Variants in KIF16B observed in about 807,000 individuals in gnomAD.
The protein encoded by KIF16B is kinesin family member 16B.
In KIF16B, 98 loss-of-function variants were observed where a neutral mutation model predicts 156.3. That is an observed-to-expected ratio of 0.63 (90% CI 0.53 to 0.74). The LOEUF (loss-of-function observed/expected upper bound fraction) is 0.74, where lower values mean the gene tolerates loss of function less well. Ranked by LOEUF, KIF16B falls within the 30% of genes least tolerant of loss-of-function variation. KIF16B has a pLI of 0.00. For synonymous variants in KIF16B, 564 were observed against 583.7 expected, an observed-to-expected ratio of 0.97 and a Z score of 0.49; for missense variants, 1,421 against 1,606.5, an observed-to-expected ratio of 0.88 and a Z score of 1.97.
chr20:16,477,188 G>GT lies in KIF16B; in HGVS notation c.1302+17102dup, dbSNP rs553599004. On this transcript the variant is annotated intron_variant, in intron 12 of 25. Coordinates refer to ENST00000354981, the MANE Select transcript of KIF16B (RefSeq NM_024704.5). ...TCTCTTGCCTTCAATTTCCTTGTGG[G>GT]TTTTTTTTTTTTCTCTCCTTAAAAA... Among the ~76,000 whole-genome samples, 611 of 140,542 alleles carry GT rather than the reference G, an allele frequency of 4.3e-3. 5 individuals are homozygous for GT. The highest frequency in any genetic ancestry group is 0.019 in the East Asian group (94 of 4,904). 92.2% of individuals were successfully genotyped at this position (140,542 alleles called of 152,430 possible).
chr20:16,508,485 TGTTC>T (rs1270122717), intron 6 of KIF16B, among the ~76,000 whole-genome samples: 1 of 152,190 alleles, frequency 6.6e-6, no homozygotes, highest in Non-Finnish European at 1.5e-5. Flanking sequence ...GGGATGAAAT[TGTTC>T]CACACCTCAG....
At chr20:16,437,200 A>C (rs1297283552) in intron 12 of KIF16B, among the ~76,000 whole-genome samples, 1 of 152,244 alleles carries the variant, frequency 6.6e-6, no homozygotes, top group African/African-American at 2.4e-5. Context: ...CATATCATAC[A>C]TATCAGCAAT....
chr20:16,443,598 C>T (rs1038286001), intron 12 of KIF16B, among the ~76,000 whole-genome samples: 3 of 152,166 alleles, frequency 2.0e-5, no homozygotes, highest in Non-Finnish European at 4.4e-5. Context: ...ATAAATACTA[C>T]TATGGGCAAC....
At chr20:16,494,991 T>C (rs777474536) in intron 11 of KIF16B, among the ~76,000 whole-genome samples, 11 of 152,204 alleles carry the variant, frequency 7.2e-5, no homozygotes, top group Admixed American at 2.0e-4. Flanking sequence ...CAGTTGGAAA[T>C]TGCTTCTCAA....
At chr20:16,441,191 T>C (rs2146528825) in intron 12 of KIF16B, among the ~76,000 whole-genome samples, 1 of 152,294 alleles carries the variant, frequency 6.6e-6, no homozygotes, top group East Asian at 1.9e-4. Flanking sequence ...TTACTTTAAG[T>C]GGGATGTTGT....
At chr20:16,291,704 T>C (rs2063317649) in intron 25 of KIF16B, among the ~76,000 whole-genome samples, 1 of 152,240 alleles carries the variant, frequency 6.6e-6, no homozygotes, top group Admixed American at 6.5e-5. Context: ...ACATTGCCTT[T>C]CAAAGTAAGA....
chr20:16,327,068 TACACACACACACACACAC>T (rs35869892), intron 24 of KIF16B, among the ~76,000 whole-genome samples: 1 of 142,976 alleles, frequency 7.0e-6, no homozygotes, highest in African/African-American at 2.6e-5. Flanking sequence ...TGTATACATG[TACACACACACACACACAC>T]ACACACACAC....
At chr20:16,328,943 A>G in intron 24 of KIF16B, among the ~76,000 whole-genome samples, 1 of 152,192 alleles carries the variant, frequency 6.6e-6, no homozygotes. Flanking sequence ...ATTTAGGAGG[A>G]ACACAAACAT....
intron 1 of KIF16B, among the ~76,000 whole-genome samples, chr20:16,529,761 G>C (rs200690821): frequency 6.6e-6 from 1 of 152,212 alleles, no homozygotes; most frequent in Non-Finnish European, 1.5e-5. Flanking sequence ...AGACCAGCCT[G>C]ATCAACACGG....
At chr20:16,279,937 T>C (rs1234150959) in intron 25 of KIF16B, among the ~76,000 whole-genome samples, 1 of 152,192 alleles carries the variant, frequency 6.6e-6, no homozygotes, top group African/African-American at 2.4e-5. Flanking sequence ...TCCATTATAT[T>C]AGAGCTTTAG....
At chr20:16,482,912 G>A (rs975729830) in intron 12 of KIF16B, among the ~76,000 whole-genome samples, 1 of 152,092 alleles carries the variant, frequency 6.6e-6, no homozygotes, top group Admixed American at 6.5e-5. Flanking sequence ...TCACTCCAAA[G>A]GGCTCCAGAG....
At chr20:16,352,816 C>G (rs963102306) in intron 23 of KIF16B, among the ~76,000 whole-genome samples, 1 of 152,180 alleles carries the variant, frequency 6.6e-6, no homozygotes, top group Non-Finnish European at 1.5e-5. Flanking sequence ...TCCTGGGGCC[C>G]CTCAGGCCTC....
chr20:16,506,985 C>T (rs1042356489), intron 7 of KIF16B, among the ~76,000 whole-genome samples: 1 of 151,456 alleles, frequency 6.6e-6, no homozygotes, highest in African/African-American at 2.4e-5. Flanking sequence ...CACTGCAGTC[C>T]CAGCTCCCTG....
intron 12 of KIF16B, among the ~76,000 whole-genome samples, chr20:16,451,055 T>A (rs769273209): frequency 1.3e-5 from 2 of 152,196 alleles, no homozygotes; most frequent in Non-Finnish European, 2.9e-5. Flanking sequence ...TCAGTGTTTC[T>A]TCCACATTAT....
chr20:16,373,749 C>T (rs1366016541), intron 20 of KIF16B, among the ~76,000 whole-genome samples: 1 of 152,198 alleles, frequency 6.6e-6, no homozygotes, highest in Non-Finnish European at 1.5e-5. Flanking sequence ...TCATTCCGCC[C>T]TCTCACTCAA....
chr20:16,382,446 T>C (rs2065120118), intron 17 of KIF16B, among the ~76,000 whole-genome samples: 2 of 152,218 alleles, frequency 1.3e-5, no homozygotes, highest in Admixed American at 6.5e-5. Flanking sequence ...TACTACTTTA[T>C]AGATAGTTAT....
chr20:16,390,764 C>G (rs139866222), intron 17 of KIF16B, among the ~76,000 whole-genome samples: 153 of 152,328 alleles, frequency 1.0e-3, no homozygotes, highest in African/African-American at 3.6e-3. Context: ...GAATGCACCA[C>G]ATAATTTTCC....
Position 16,355,322 on chromosome 20 carries a change from C to G in KIF16B, c.3621+1008G>C, listed in dbSNP as rs557970484. Among the ~76,000 whole-genome samples, 4 of 152,270 alleles carry G rather than the reference C, an allele frequency of 2.6e-5. No individual in the cohort carries two copies. In the East Asian group the frequency reaches 7.7e-4, roughly 29 times the overall value. On this transcript the variant is annotated intron_variant, in intron 23 of 25. Coordinates refer to ENST00000354981, the MANE Select transcript of KIF16B (RefSeq NM_024704.5). The stretch of plus-strand genomic sequence containing the variant: ...CCTTCCACATAAGATATTCTTTGAA[C>G]AAAGGAGTTTCACAGATAAAATAAA...
intron 12 of KIF16B, among the ~76,000 whole-genome samples, chr20:16,446,973 A>T (rs930588201): frequency 7.9e-5 from 12 of 152,170 alleles, no homozygotes; most frequent in African/African-American, 1.2e-4. Flanking sequence ...CAGAACAAGG[A>T]CCCTGTCTTT....
Sources: gnomAD v4.1 joint callset for allele counts (sites outside exome capture counted in the v4.1 genomes callset) on GRCh38, gnomAD v4.1.1 for gene constraint, MANE v1.5 for transcripts, NCBI Gene and HGNC (gene_info 2026-07-23, HGNC 2026-07-21) for gene names.